Variants in ERBB4 observed in about 807,000 individuals in gnomAD.
The protein encoded by ERBB4 is erb-b2 receptor tyrosine kinase 4.
In ERBB4, 42 loss-of-function variants were observed where a neutral mutation model predicts 158.0. That is an observed-to-expected ratio of 0.27 (90% CI 0.21 to 0.34). The LOEUF is 0.34. Among genes scored for constraint, ERBB4 ranks in the 10% least tolerant of loss-of-function variants. ERBB4 has a pLI of 1.00. For missense variants in ERBB4, 1,333 were observed against 1,624.1 expected, an observed-to-expected ratio of 0.82 and a Z score of 3.08; for synonymous variants, 583 against 558.7, an observed-to-expected ratio of 1.04 and a Z score of -0.61.
rs769707072 is a variant in ERBB4, at chr2:211,560,262, C to CTTTTTTTTT, written c.2487+1632_2487+1640dup. Among the ~76,000 whole-genome samples, 84 of 46,310 alleles carry CTTTTTTTTT rather than the reference C, an allele frequency of 1.8e-3. 22 individuals carry two copies. Among genetic ancestry groups the CTTTTTTTTT allele is most frequent in the African/African-American group, 7.5e-3 (78 of 10,452 alleles). 30.4% of individuals were successfully genotyped at this position (46,310 alleles called of 152,430 possible). On this transcript the variant is annotated intron_variant, in intron 20 of 27. Coordinates refer to ENST00000342788, the MANE Select transcript of ERBB4 (RefSeq NM_005235.3). ...CAGCACTAACAAATTTGAAGCTTAG[C>CTTTTTTTTT]TTTTTTTTTTTTTTTTTTTTTTTTT...
intron 2 of ERBB4, among the ~76,000 whole-genome samples, chr2:211,967,521 A>G (rs1402710): frequency 0.99 from 151,221 of 152,144 alleles, 75,162 homozygotes; most frequent in Middle Eastern, 1. Context: ...GTTACTCAAG[A>G]ATTAGCAACA....
chr2:212,421,329 G>A (rs2091787779), intron 1 of ERBB4, among the ~76,000 whole-genome samples: 1 of 152,006 alleles, frequency 6.6e-6, no homozygotes, highest in Non-Finnish European at 1.5e-5. Context: ...GTTCCTTCTG[G>A]AAACCCTTTT....
chr2:211,666,568 T>C (rs73988632), intron 14 of ERBB4, among the ~76,000 whole-genome samples: 1 of 152,338 alleles, frequency 6.6e-6, no homozygotes, highest in African/African-American at 2.4e-5. Flanking sequence ...GAAATGGGTA[T>C]ATCGTCAGAG....
chr2:211,845,536 C>G (rs2077567546), intron 3 of ERBB4, among the ~76,000 whole-genome samples: 2 of 152,156 alleles, frequency 1.3e-5, no homozygotes, highest in East Asian at 3.9e-4. Context: ...CTACAAATCT[C>G]TCACTAGCTC....
intron 4 of ERBB4, among the ~76,000 whole-genome samples, chr2:211,768,203 G>A (rs190852962): frequency 1.1e-4 from 16 of 152,206 alleles, no homozygotes; most frequent in East Asian, 5.8e-4. Flanking sequence ...TCCAGGTCAC[G>A]TTGATGCAAG....
intron 19 of ERBB4, among the ~76,000 whole-genome samples, chr2:211,568,210 C>T (rs901957094): frequency 2.0e-5 from 3 of 151,282 alleles, no homozygotes; most frequent in African/African-American, 7.3e-5. Flanking sequence ...ACAGGTGCTA[C>T]AGTAAAAATT....
At chr2:211,394,173 CAA>C (rs2062863265) in intron 25 of ERBB4, among the ~76,000 whole-genome samples, 1 of 151,896 alleles carries the variant, frequency 6.6e-6, no homozygotes, top group South Asian at 2.1e-4. Context: ...CTGCTTTGAG[CAA>C]TAGTATGTGA....
At chr2:211,540,301 A>G (rs540220702) in intron 20 of ERBB4, among the ~76,000 whole-genome samples, 1 of 151,862 alleles carries the variant, frequency 6.6e-6, no homozygotes, top group African/African-American at 2.4e-5. Context: ...TAGTGGAAAC[A>G]CACACATGAA....
At chr2:211,937,169 T>G (rs2080348008) in intron 3 of ERBB4, among the ~76,000 whole-genome samples, 1 of 152,186 alleles carries the variant, frequency 6.6e-6, no homozygotes, top group African/African-American at 2.4e-5. Context: ...TTTTTCTCTT[T>G]TTAGAAAGTG....
intron 3 of ERBB4, among the ~76,000 whole-genome samples, chr2:211,836,534 C>T (rs929360684): frequency 1.3e-5 from 2 of 152,028 alleles, no homozygotes; most frequent in Non-Finnish European, 2.9e-5. Flanking sequence ...CTGCTTAGTA[C>T]ATACCAAACT....
rs115268559 is a variant in ERBB4 at position 211,486,476 on chromosome 2, C to G, written c.2488-55376G>C. 9.7e-3 allele frequency among the ~76,000 whole-genome samples: 1,466 copies of G among 151,612 alleles called. 38 individuals are homozygous for G. Among genetic ancestry groups the G allele is most frequent in the African/African-American group, 0.033 (1,366 of 41,486 alleles). On this transcript the variant is annotated intron_variant, in intron 20 of 27. Transcript: ENST00000342788. ...CAACCTATGTCGAGTTAACCTCAAC[C>G]AGAATGGAAATGACAGCTGTAAAAT...
At chr2:212,351,657 T>C (rs773756322) in intron 1 of ERBB4, among the ~76,000 whole-genome samples, 10 of 152,198 alleles carry the variant, frequency 6.6e-5, no homozygotes, top group Non-Finnish European at 8.8e-5. Context: ...TCTGTCATCA[T>C]GCTAACCACG....
At chr2:211,615,719 A>G (rs2125840755) in intron 19 of ERBB4, among the ~76,000 whole-genome samples, 1 of 152,248 alleles carries the variant, frequency 6.6e-6, no homozygotes, top group East Asian at 1.9e-4. Context: ...ACCCTTGAAT[A>G]TCAATAGAAG....
chr2:211,910,787 C>T (rs918282735), intron 3 of ERBB4, among the ~76,000 whole-genome samples: 2 of 152,118 alleles, frequency 1.3e-5, no homozygotes, highest in African/African-American at 2.4e-5. Context: ...TCCTATTATT[C>T]AGACGTTATC....
chr2:211,955,353 C>G (rs1334833607), intron 2 of ERBB4, among the ~76,000 whole-genome samples: 1 of 151,956 alleles, frequency 6.6e-6, no homozygotes, highest in Non-Finnish European at 1.5e-5. Context: ...AGCTCACCTC[C>G]CTAGAATTAA....
intron 3 of ERBB4, among the ~76,000 whole-genome samples, chr2:211,850,887 C>G (rs752912247): frequency 4.6e-5 from 7 of 151,844 alleles, no homozygotes; most frequent in Admixed American, 1.3e-4. Flanking sequence ...TATATTAAGA[C>G]ACTGAAGAGT....
intron 20 of ERBB4, among the ~76,000 whole-genome samples, chr2:211,462,982 G>T (rs1267164480): frequency 6.6e-6 from 1 of 152,056 alleles, no homozygotes; most frequent in African/African-American, 2.4e-5. Flanking sequence ...TTGCTCTTTA[G>T]GAATAAACTC....
rs188251188 is a variant in ERBB4, at chr2:212,162,206, A to T, written c.83-37303T>A. Among the ~76,000 whole-genome samples, 436 of 151,998 alleles carry T rather than the reference A, an allele frequency of 2.9e-3. 1 individual carries two copies. Among genetic ancestry groups the T allele is most frequent in the Non-Finnish European group, 4.6e-3 (310 of 67,824 alleles). On this transcript the variant is annotated intron_variant, in intron 1 of 27. Coordinates refer to ENST00000342788, the MANE Select transcript of ERBB4 (RefSeq NM_005235.3). ...AAGGGAAAATTAACAAATAAATTAT[A>T]ATATATTCATGCAATGCAATACTAC...
At chr2:212,002,616 T>C (rs2076132783) in intron 2 of ERBB4, among the ~76,000 whole-genome samples, 1 of 152,128 alleles carries the variant, frequency 6.6e-6, no homozygotes, top group South Asian at 2.1e-4. Flanking sequence ...CAAACAGTAC[T>C]AACATCAAAA....
Sources: allele counts gnomAD v4.1 joint callset (sites outside exome capture counted in the v4.1 genomes callset), GRCh38; gene constraint gnomAD v4.1.1; transcripts MANE v1.5; gene names NCBI Gene and HGNC (gene_info 2026-07-23, HGNC 2026-07-21).